Variants in AFF4 observed in about 807,000 individuals in gnomAD.
The protein encoded by AFF4 is ALF transcription elongation factor 4, also known as AF4/FMR2 family member 4.
Under a neutral mutation model 124.8 loss-of-function variants are expected in AFF4, and 13 were observed. The observed-to-expected ratio is 0.10, with a 90% CI of 0.07 to 0.17. AFF4 has a LOEUF of 0.17. AFF4 is among the 10% of genes least tolerant of loss of function. AFF4 has a pLI of 1.00. For synonymous variants in AFF4, 477 were observed against 496.1 expected, an observed-to-expected ratio of 0.96 and a Z score of 0.51; for missense variants, 1,092 against 1,403.8, an observed-to-expected ratio of 0.78 and a Z score of 3.55.
chr5:132,930,528 A>C (rs1432956656), intron 4 of AFF4, among the ~76,000 whole-genome samples: 1 of 152,188 alleles, frequency 6.6e-6, no homozygotes, highest in African/African-American at 2.4e-5. Flanking sequence ...CAGAGGTAAA[A>C]GGGAGATTAT....
intron 5 of AFF4, among the ~76,000 whole-genome samples, chr5:132,921,421 A>C (rs1761041916): frequency 6.6e-6 from 1 of 152,092 alleles, no homozygotes; most frequent in Non-Finnish European, 1.5e-5. Context: ...AGGAATAAAA[A>C]ATGGTTCAAC....
At chr5:132,911,555 CAAAAAAAAA>C (rs998926174) in intron 5 of AFF4, among the ~76,000 whole-genome samples, 16 of 143,206 alleles carry the variant, frequency 1.1e-4, no homozygotes, top group African/African-American at 1.6e-4. Context: ...AGACCTCCCA[CAAAAAAAAA>C]GAAAAAAAAA....
chr5:132,923,951 T>C (rs904231765), intron 5 of AFF4, among the ~76,000 whole-genome samples: 2 of 151,960 alleles, frequency 1.3e-5, no homozygotes, highest in Non-Finnish European at 2.9e-5. Context: ...AAATACTGAT[T>C]GGGAATAAAA....
chr5:132,963,568 G>A lies in AFF4; in HGVS notation c.-314C>T, dbSNP rs1762130677. ...CGGGTTAACGAAGACCTGGCACCAG[G>A]ATCCCCGCCCCGTCCGCTGGCGGCG... On this transcript the variant is annotated 5_prime_UTR_variant, in exon 1 of 21. Coordinates refer to ENST00000265343, the MANE Select transcript of AFF4 (RefSeq NM_014423.4). 2 of 398,066 alleles carry A rather than the reference G, an allele frequency of 5.0e-6. No homozygotes were observed. The highest frequency in any genetic ancestry group is 8.9e-6 in the Non-Finnish European group (2 of 225,744). 24.7% of individuals were successfully genotyped at this position (398,066 alleles called of 1,614,324 possible).
chr5:132,915,770 T>C (rs572818141), intron 5 of AFF4, among the ~76,000 whole-genome samples: 135 of 151,730 alleles, frequency 8.9e-4, no homozygotes, highest in Non-Finnish European at 1.6e-3. Context: ...GGTTTCACCA[T>C]ATTGGCCAGG....
intron 1 of AFF4, among the ~76,000 whole-genome samples, chr5:132,959,263 C>G (rs1038229316): frequency 1.3e-5 from 2 of 151,718 alleles, no homozygotes; most frequent in Admixed American, 6.6e-5. Context: ...GTAGCTGGGA[C>G]TACAGGCGCC....
At chr5:132,904,832 T>C (rs1760633516) in intron 5 of AFF4, among the ~76,000 whole-genome samples, 1 of 152,086 alleles carries the variant, frequency 6.6e-6, no homozygotes, top group Non-Finnish European at 1.5e-5. Context: ...TGGCGGATCA[T>C]GAGGTCAGGA....
At chr5:132,943,039 G>T in intron 1 of AFF4, 1 of 210,620 alleles carries the variant, frequency 4.7e-6, no homozygotes. Flanking sequence ...GGAAACTTGA[G>T]GCCAGAAAGT....
At chr5:132,939,811 G>A (rs61271504) in intron 1 of AFF4, among the ~76,000 whole-genome samples, 1 of 152,110 alleles carries the variant, frequency 6.6e-6, no homozygotes, top group Admixed American at 6.5e-5. Flanking sequence ...GGGTTTCACC[G>A]AGTTGGCCAA....
Position 132,955,813 on chromosome 5 carries a change from T to TAC in AFF4, c.-5+7444_-5+7445dup, listed in dbSNP as rs1370974350. ...AAAAAAAAATATATATATATATATA[T>TAC]ACACACACACACACAAAATATATAC... On this transcript the variant is annotated intron_variant, in intron 1 of 20. Coordinates refer to ENST00000265343, the MANE Select transcript of AFF4 (RefSeq NM_014423.4). Among the ~76,000 whole-genome samples the TAC allele has an allele frequency of 2.0e-3, 276 of 137,280 alleles. 2 individuals are homozygous for TAC. The highest frequency in any genetic ancestry group is 6.5e-3 in the African/African-American group (241 of 37,180). The allele number at this position is 137,280 out of a possible 152,430, so 90.1% of individuals were successfully genotyped here.
At chr5:132,957,748 AAAAAT>A (rs1359628893) in intron 1 of AFF4, among the ~76,000 whole-genome samples, 3 of 152,200 alleles carry the variant, frequency 2.0e-5, no homozygotes, top group African/African-American at 2.4e-5. Context: ...TAGAAATAAA[AAAAAT>A]AAAATAAACA....
intron 20 of AFF4, among the ~76,000 whole-genome samples, chr5:132,881,827 GT>G (rs749611038): frequency 0.13 from 16,311 of 130,096 alleles, 1,037 homozygotes; most frequent in South Asian, 0.21. Context: ...ATACAAAAAA[GT>G]TTTTTTTTTT....
At chr5:132,931,760 A>G (rs1761304980) in intron 4 of AFF4, among the ~76,000 whole-genome samples, 1 of 152,228 alleles carries the variant, frequency 6.6e-6, no homozygotes, top group Admixed American at 6.5e-5. Context: ...GTTCCAGGCC[A>G]GCCTGGCCAC....
At chr5:132,951,945 G>T (rs1761851937) in intron 1 of AFF4, among the ~76,000 whole-genome samples, 1 of 152,122 alleles carries the variant, frequency 6.6e-6, no homozygotes, top group Non-Finnish European at 1.5e-5. Flanking sequence ...TCAGTTTTTT[G>T]AATCCTCAGC....
intron 5 of AFF4, among the ~76,000 whole-genome samples, chr5:132,913,154 A>G (rs936359844): frequency 2.0e-5 from 3 of 152,238 alleles, no homozygotes; most frequent in Non-Finnish European, 4.4e-5. Flanking sequence ...ATATTAATAT[A>G]AAAGTAAATT....
intron 3 of AFF4, 49 bp from the exon 4 acceptor site, chr5:132,932,271 G>C (rs1296944073): frequency 6.6e-7 from 1 of 1,505,168 alleles, no homozygotes; most frequent in African/African-American, 1.4e-5. Context: ...TAGATTTTTA[G>C]TATTTGCTTC....
chr5:132,916,238 CAAAAAAAAAAAA>C (rs70974061), intron 5 of AFF4, among the ~76,000 whole-genome samples: 7 of 50,686 alleles, frequency 1.4e-4, no homozygotes, highest in African/African-American at 2.7e-4. Flanking sequence ...GATGCTGTCT[CAAAAAAAAAAAA>C]AAAAAAAAAA....
In AFF4 at chr5:132,902,364, C is replaced by A. The variant is rs1020375764; in HGVS notation, c.1133+78G>T. Reference sequence around the variant, plus strand: ...TGCCCAGCCTCAATATTTCTAAATACTGTTCAAAATACCTAGATATTACAG... The same window carrying A: ...TGCCCAGCCTCAATATTTCTAAATAATGTTCAAAATACCTAGATATTACAG... On this transcript the variant is annotated intron_variant, in intron 7 of 20. Transcript: ENST00000265343. 1.6e-5 allele frequency: 20 copies of A among 1,219,216 alleles called. No homozygotes were observed. The South Asian group carries it at 2.3e-4, about 14-fold the overall frequency. 75.5% of individuals were successfully genotyped at this position (1,219,216 alleles called of 1,614,324 possible). A position where few individuals can be genotyped will look rare whatever the true frequency, so the allele number is the denominator to read the frequency against.
At chr5:132,890,552 C>A (rs1760228946) in intron 13 of AFF4, among the ~76,000 whole-genome samples, 1 of 152,124 alleles carries the variant, frequency 6.6e-6, no homozygotes, top group Non-Finnish European at 1.5e-5. Context: ...AAACTATGTG[C>A]AATGTTGATT....
Sources: allele counts gnomAD v4.1 joint callset (sites outside exome capture counted in the v4.1 genomes callset), GRCh38; gene constraint gnomAD v4.1.1; transcripts MANE v1.5; gene names NCBI Gene and HGNC (gene_info 2026-07-23, HGNC 2026-07-21).